SLAMF1: variants seen among roughly 807,000 people sequenced by gnomAD.
SLAMF1 encodes signaling lymphocytic activation molecule.
Under a neutral mutation model 35.1 loss-of-function variants are expected in SLAMF1, and 18 were observed. The ratio of observed to expected loss-of-function variants is 0.51; its 90% CI spans 0.35 to 0.76. The LOEUF (loss-of-function observed/expected upper bound fraction) is 0.76, where lower values mean the gene tolerates loss of function less well. Among genes scored for constraint, SLAMF1 ranks in the 30% least tolerant of loss-of-function variants. SLAMF1 has a pLI of 0.01. For missense variants in SLAMF1, 392 were observed against 413.0 expected, an observed-to-expected ratio of 0.95 and a Z score of 0.44; for synonymous variants, 168 against 157.2, an observed-to-expected ratio of 1.07 and a Z score of -0.51.
rs560628076 is a variant in SLAMF1, at chr1:160,622,334, C to T, written c.790+1762G>A. Among the ~76,000 whole-genome samples, 13 of 152,292 alleles carry T rather than the reference C, an allele frequency of 8.5e-5. No homozygotes were observed. In the East Asian group the frequency reaches 2.3e-3, roughly 27 times the overall value. ...TAGCTGTGTGGCATTGGACAAATCA[C>T]GTCATCTCAATGGGTCTTTTCTCTT... is the stretch of plus-strand genomic sequence containing the variant. On this transcript the variant is annotated intron_variant, in intron 4 of 6. Coordinates refer to ENST00000302035, the MANE Select transcript of SLAMF1 (RefSeq NM_003037.5).
In SLAMF1 at chr1:160,637,499, A is replaced by G. The variant is rs766429986; in HGVS notation, c.107T>C (p.Leu36Pro). Reference protein sequence around the residue: ...GGRMMNCPKILRQLGSKVLLP... With the variant: ...GGRMMNCPKIPRQLGSKVLLP... ...CAGCACTTTGCTTCCCAACTGCCGG[A>G]GAATCTTTGGGCAGTTCATCATGCG... Residue 36 changes from leucine (L) to proline (P), a missense_variant, in exon 2 of 7, where the codon CTC becomes CCC. Transcript: ENST00000302035. 1 of 1,612,232 alleles carries G rather than the reference A, an allele frequency of 6.2e-7. No individual in the cohort carries two copies. The highest frequency in any genetic ancestry group is 8.5e-7 in the Non-Finnish European group (1 of 1,179,896).
At chr1:160,623,720 T>A (rs1659733925) in intron 4 of SLAMF1, 2 of 400,816 alleles carry the variant, frequency 5.0e-6, no homozygotes, top group African/African-American at 2.1e-5. Flanking sequence ...CCCTGGTGAC[T>A]TTTTGGATGA....
At chr1:160,634,506 A>G in intron 3 of SLAMF1, 107 bp downstream of exon 3, 1 of 1,423,208 alleles carries the variant, frequency 7.0e-7, no homozygotes, top group Non-Finnish European at 9.5e-7. Context: ...AGAAAATGTA[A>G]AGTATTGTTA....
chr1:160,634,931 A>C, intron 2 of SLAMF1, 34 bp from the exon 3 acceptor site: 6 of 1,568,924 alleles, frequency 3.8e-6, no homozygotes, highest in Non-Finnish European at 4.3e-6. Flanking sequence ...GCCATCACTG[A>C]AGTGAACCCC....
chr1:160,610,680 G>T lies in SLAMF1; in HGVS notation c.*68C>A. Reference sequence around the variant, plus strand: ...CTGCCAGAGGAAACTTGGGGCCTGTGGCCAAGTTCAGTGTTCATTTTGGTT... The same window carrying T: ...CTGCCAGAGGAAACTTGGGGCCTGTTGCCAAGTTCAGTGTTCATTTTGGTT... On this transcript the variant is annotated 3_prime_UTR_variant, in exon 7 of 7. Coordinates refer to ENST00000302035, the MANE Select transcript of SLAMF1 (RefSeq NM_003037.5). 8.3e-7 allele frequency: 1 copy of T among 1,199,026 alleles called. No homozygotes were observed. Among genetic ancestry groups the T allele is most frequent in the Non-Finnish European group, 1.2e-6 (1 of 803,272 alleles). The allele number at this position is 1,199,026 out of a possible 1,614,324, so 74.3% of individuals were successfully genotyped here.
intron 1 of SLAMF1, among the ~76,000 whole-genome samples, chr1:160,641,650 A>G (rs1356529570): frequency 6.6e-6 from 1 of 152,064 alleles, no homozygotes; most frequent in Non-Finnish European, 1.5e-5. Flanking sequence ...TGATGACGCA[A>G]TACCTGAGTG....
chr1:160,630,452 C>T (rs6697247), intron 3 of SLAMF1, among the ~76,000 whole-genome samples: 51,591 of 152,080 alleles, frequency 0.34, 9,013 homozygotes, highest in Middle Eastern at 0.38. Flanking sequence ...TCTCATCACA[C>T]CATTAACCGC....
chr1:160,630,407 G>A (rs1660103857), intron 3 of SLAMF1, among the ~76,000 whole-genome samples: 1 of 152,198 alleles, frequency 6.6e-6, no homozygotes, highest in South Asian at 2.1e-4. Context: ...AGTGAGTCCT[G>A]TCAAGATTCA....
At chr1:160,634,060 G>C (rs1334005760) in intron 3 of SLAMF1, among the ~76,000 whole-genome samples, 1 of 152,214 alleles carries the variant, frequency 6.6e-6, no homozygotes, top group Non-Finnish European at 1.5e-5. Flanking sequence ...CCCTGGCCCT[G>C]CTATGGGATT....
intron 2 of SLAMF1, among the ~76,000 whole-genome samples, chr1:160,635,334 T>A (rs899006398): frequency 1.2e-4 from 18 of 152,090 alleles, no homozygotes; most frequent in African/African-American, 4.3e-4. Context: ...GGTGTGTGTG[T>A]GTATGTGTGT....
In SLAMF1 at chr1:160,637,267, C is replaced by T. The variant is rs1660500170; in HGVS notation, c.339G>A (p.Glu113=). ...GGGTCATAAGGTACCATCCCTCATC[C>T]TCCTTCCTGCTTTCCCGTATCCCCA... ...LTLGIRESRK[E]DEGWYLMTLE... is the part of the protein sequence containing the mutation. Residue 113 remains glutamate, a synonymous_variant, in exon 2 of 7, where the codon GAG becomes GAA. Coordinates refer to ENST00000302035, the MANE Select transcript of SLAMF1 (RefSeq NM_003037.5). 1.2e-6 allele frequency: 2 copies of T among 1,614,124 alleles called. No homozygotes were observed. Among genetic ancestry groups the T allele is most frequent in the Non-Finnish European group, 8.5e-7 (1 of 1,180,012 alleles).
intron 6 of SLAMF1, among the ~76,000 whole-genome samples, chr1:160,611,656 G>T (rs1029100634): frequency 1.3e-4 from 20 of 152,206 alleles, no homozygotes; most frequent in Admixed American, 1.2e-3. Context: ...GTAAAGGAAA[G>T]ATTCCTGTCC....
intron 3 of SLAMF1, among the ~76,000 whole-genome samples, chr1:160,632,187 A>G (rs1570996060): frequency 6.6e-6 from 1 of 152,150 alleles, no homozygotes. Flanking sequence ...GCAAACTCAT[A>G]CACAGTGGCA....
intron 6 of SLAMF1, 150 bp downstream of exon 6, chr1:160,612,338 G>T: frequency 1.8e-6 from 1 of 571,368 alleles, no homozygotes; most frequent in South Asian, 2.2e-5. Context: ...GTTATACACA[G>T]TATTTTGTCA....
intron 2 of SLAMF1, among the ~76,000 whole-genome samples, chr1:160,636,703 G>A (rs767419582): frequency 5.3e-5 from 8 of 152,124 alleles, no homozygotes; most frequent in Non-Finnish European, 8.8e-5. Context: ...GTGGTGTGTG[G>A]GCTGAATTTT....
At chr1:160,621,855 CGTGTGTGTGTGTGT>C (rs59676823) in intron 4 of SLAMF1, among the ~76,000 whole-genome samples, 2,905 of 145,296 alleles carry the variant, frequency 0.02, 36 homozygotes, top group Non-Finnish European at 0.026. Flanking sequence ...TGCGTGAGTG[CGTGTGTGTGTGTGT>C]GTGTGTGTGT....
intron 5 of SLAMF1, chr1:160,615,835 C>T: frequency 9.0e-6 from 2 of 221,170 alleles, no homozygotes; most frequent in Non-Finnish European, 1.9e-5. Flanking sequence ...GCAAAAATTG[C>T]AGATACACAA....
chr1:160,616,786 G>A (rs1659321035), intron 5 of SLAMF1, among the ~76,000 whole-genome samples: 1 of 152,142 alleles, frequency 6.6e-6, no homozygotes, highest in African/African-American at 2.4e-5. Flanking sequence ...ACAGAGATGT[G>A]GAATAAAAGC....
rs980673414 is a variant in SLAMF1, at chr1:160,608,600, G to T, written c.*2148C>A. On this transcript the variant is annotated 3_prime_UTR_variant, in exon 7 of 7. Transcript: ENST00000302035. Reference sequence around the variant, plus strand: ...CCCCAGTGAGGTCTTGAGCCCAGGGGTGCAGGATACTTGGAAGTGATAGCC... The same window carrying T: ...CCCCAGTGAGGTCTTGAGCCCAGGGTTGCAGGATACTTGGAAGTGATAGCC... The T allele has an allele frequency of 6.6e-6, 1 of 152,244 alleles. No homozygotes were observed. The highest frequency in any genetic ancestry group is 1.5e-5 in the Non-Finnish European group (1 of 68,080). 9.4% of individuals were successfully genotyped at this position (152,244 alleles called of 1,614,324 possible).
Sources: gnomAD v4.1 joint callset for allele counts (sites outside exome capture counted in the v4.1 genomes callset) on GRCh38, gnomAD v4.1.1 for gene constraint, MANE v1.5 for transcripts, NCBI Gene and HGNC (gene_info 2026-07-23, HGNC 2026-07-21) for gene names.